RANBP2: variants seen among roughly 807,000 people sequenced by gnomAD.
The protein encoded by RANBP2 is RAN binding protein 2, also known as E3 SUMO-protein ligase RanBP2.
Under a neutral mutation model 303.6 loss-of-function variants are expected in RANBP2, and 57 were observed. The observed-to-expected ratio is 0.19, with a 90% CI of 0.15 to 0.23. RANBP2 has a LOEUF of 0.23. Among genes scored for constraint, RANBP2 ranks in the 10% least tolerant of loss-of-function variants. RANBP2 has a pLI of 1.00. For missense variants in RANBP2, 3,138 were observed against 3,780.8 expected, an observed-to-expected ratio of 0.83 and a Z score of 4.46; for synonymous variants, 1,167 against 1,301.5, an observed-to-expected ratio of 0.90 and a Z score of 2.23.
At chr2:109,432,591 G>A in the RANBP2 span, 1 of 1,613,604 alleles carries the variant, frequency 6.2e-7, no homozygotes, top group East Asian at 2.2e-5. Context: ...AGAAGTGTCA[G>A]GATGGCTGGT....
At chr2:108,875,341 CAA>C in the RANBP2 span, among the ~76,000 whole-genome samples, 10 of 118,224 alleles carry the variant, frequency 8.5e-5, no homozygotes, top group East Asian at 2.5e-3. Flanking sequence ...AAAAAAGAAA[CAA>C]ATTCTTAATG....
intron 20 of RANBP2, among the ~76,000 whole-genome samples, chr2:108,770,011 AT>A (rs1278742851): frequency 1.3e-5 from 2 of 151,972 alleles, no homozygotes; most frequent in African/African-American, 2.4e-5. Flanking sequence ...TTAATCTTTT[AT>A]TTTTAAAGAT....
At chr2:108,930,975 G>A in the RANBP2 span, 2 of 1,613,878 alleles carry the variant, frequency 1.2e-6, no homozygotes, top group Admixed American at 1.7e-5. Flanking sequence ...ACCAGGACGG[G>A]GAGCCAGGGC....
chr2:109,176,358 T>C, the RANBP2 span, among the ~76,000 whole-genome samples: 2 of 152,116 alleles, frequency 1.3e-5, no homozygotes, highest in Non-Finnish European at 2.9e-5. Context: ...TGAGCAGCAG[T>C]GAGATACTCT....
chr2:109,563,237 T>C, the RANBP2 span, among the ~76,000 whole-genome samples: 2 of 152,172 alleles, frequency 1.3e-5, no homozygotes, highest in East Asian at 1.9e-4. Flanking sequence ...TCTTAATTCA[T>C]TATGCTACCA....
At chr2:108,818,975 A>G in the RANBP2 span, among the ~76,000 whole-genome samples, 1 of 152,212 alleles carries the variant, frequency 6.6e-6, no homozygotes, top group Non-Finnish European at 1.5e-5. Flanking sequence ...TAAGGGTGGA[A>G]TATTATCAAA....
At chr2:109,066,425 A>G in the RANBP2 span, among the ~76,000 whole-genome samples, 3 of 152,050 alleles carry the variant, frequency 2.0e-5, no homozygotes, top group African/African-American at 7.2e-5. Flanking sequence ...TTTTTTATAA[A>G]GGCATGCCCT....
At chr2:108,794,692 G>A in the RANBP2 span, 25 of 1,612,820 alleles carry the variant, frequency 1.6e-5, no homozygotes, top group African/African-American at 1.6e-4. Flanking sequence ...GATATATGAC[G>A]AATTATTTCA....
At chr2:109,078,102 A>G in the RANBP2 span, among the ~76,000 whole-genome samples, 6 of 90,130 alleles carry the variant, frequency 6.7e-5, 1 homozygote, top group African/African-American at 1.5e-4. Flanking sequence ...ATATATATAT[A>G]TATATATATA....
the RANBP2 span, among the ~76,000 whole-genome samples, chr2:108,932,814 C>G: frequency 2.0e-5 from 3 of 152,176 alleles, no homozygotes; most frequent in Non-Finnish European, 4.4e-5. Flanking sequence ...CAAACCATAG[C>G]AGCATGGAAA....
chr2:109,069,648 G>A, the RANBP2 span, among the ~76,000 whole-genome samples: 1 of 152,202 alleles, frequency 6.6e-6, no homozygotes, highest in Admixed American at 6.5e-5. Flanking sequence ...GGCTCAGTGG[G>A]GATTAAGGCT....
chr2:108,822,343 T>C, the RANBP2 span, among the ~76,000 whole-genome samples: 3 of 152,104 alleles, frequency 2.0e-5, no homozygotes. Flanking sequence ...AATAGTAACA[T>C]AATACTACTA....
chr2:109,450,329 G>C, the RANBP2 span, among the ~76,000 whole-genome samples: 5 of 149,568 alleles, frequency 3.3e-5, no homozygotes, highest in African/African-American at 1.2e-4. Flanking sequence ...CTGGGCAACA[G>C]AGCAAGACTG....
chr2:109,016,998 C>T, the RANBP2 span, among the ~76,000 whole-genome samples: 1 of 152,246 alleles, frequency 6.6e-6, no homozygotes, highest in Non-Finnish European at 1.5e-5. Flanking sequence ...AGGAAGCTGA[C>T]TTCAGAAGGT....
the RANBP2 span, among the ~76,000 whole-genome samples, chr2:109,431,681 G>A: frequency 1.3e-5 from 2 of 152,172 alleles, no homozygotes; most frequent in Non-Finnish European, 1.5e-5. Context: ...AGACCAGTCT[G>A]GGCAACATAG....
the RANBP2 span, among the ~76,000 whole-genome samples, chr2:109,001,521 C>T: frequency 1.3e-5 from 2 of 152,186 alleles, no homozygotes; most frequent in African/African-American, 4.8e-5. Context: ...GAGGGGGACC[C>T]TCCCACTGTG....
At chr2:109,060,633 T>C in the RANBP2 span, among the ~76,000 whole-genome samples, 2 of 152,188 alleles carry the variant, frequency 1.3e-5, no homozygotes, top group Non-Finnish European at 2.9e-5. Flanking sequence ...GTTAAACTCT[T>C]CTCTTGAGTC....
the RANBP2 span, among the ~76,000 whole-genome samples, chr2:109,339,611 C>T: frequency 2.0e-5 from 3 of 152,258 alleles, no homozygotes; most frequent in Admixed American, 6.5e-5. Context: ...CAGGGGTTGC[C>T]GGTAGCGAGG....
chr2:109,672,351 T>C, the RANBP2 span, among the ~76,000 whole-genome samples: 2 of 152,248 alleles, frequency 1.3e-5, no homozygotes, highest in Non-Finnish European at 2.9e-5. Context: ...ATGAGATCAT[T>C]GAGTGAACCA....
Sources: allele counts gnomAD v4.1 joint callset (sites outside exome capture counted in the v4.1 genomes callset), GRCh38; gene constraint gnomAD v4.1.1; transcripts MANE v1.5; gene names NCBI Gene and HGNC (gene_info 2026-07-23, HGNC 2026-07-21).